The following BMPR1B variants were observed in gnomAD, a reference collection of about 807,000 sequenced individuals.
BMPR1B encodes bone morphogenetic protein receptor type-1B.
In BMPR1B, 12 loss-of-function variants were observed where a neutral mutation model predicts 59.1. That is an observed-to-expected ratio of 0.20 (90% CI 0.13 to 0.33). The LOEUF (loss-of-function observed/expected upper bound fraction) is 0.33. BMPR1B is among the 10% of genes least tolerant of loss of function. BMPR1B has a pLI of 1.00. For missense variants in BMPR1B, 550 were observed against 610.9 expected, an observed-to-expected ratio of 0.90 and a Z score of 1.05; for synonymous variants, 237 against 207.3, an observed-to-expected ratio of 1.14 and a Z score of -1.23.
chr4:95,094,321 T>C (rs1730211595), intron 3 of BMPR1B, among the ~76,000 whole-genome samples: 3 of 151,962 alleles, frequency 2.0e-5, no homozygotes, highest in African/African-American at 4.8e-5. Context: ...ATAGACTCTT[T>C]GCTCACCGTG....
At chr4:94,895,196 A>G (rs1007446281) in intron 2 of BMPR1B, among the ~76,000 whole-genome samples, 1 of 151,940 alleles carries the variant, frequency 6.6e-6, no homozygotes, top group Admixed American at 6.6e-5. Context: ...TTTGTTCTTG[A>G]AAGAAAAATG....
chr4:94,820,399 A>G (rs1224144021), intron 1 of BMPR1B, among the ~76,000 whole-genome samples: 1 of 152,234 alleles, frequency 6.6e-6, no homozygotes, highest in Non-Finnish European at 1.5e-5. Context: ...TGCCAGTTGA[A>G]GTAACCGGAT....
At chr4:95,151,342 C>T (rs533370012) in intron 11 of BMPR1B, among the ~76,000 whole-genome samples, 23 of 152,248 alleles carry the variant, frequency 1.5e-4, no homozygotes, top group Middle Eastern at 3.4e-3. Context: ...CATCCACCAG[C>T]GGAAAATAGG....
At position 95,043,181 on chromosome 4, in the gene BMPR1B, CAAAAAAAAAAAA is replaced by C. The variant is rs751904820; in HGVS notation, c.-18+47066_-18+47077del. ...TGGGCGACAGAGCGAGACTCCGTCT[CAAAAAAAAAAAA>C]AAAAAAAAAAAAAAAAAAGAATTAC... On this transcript the variant is annotated intron_variant, in intron 3 of 12. Transcript: ENST00000515059. Among the ~76,000 whole-genome samples, 14 of 51,456 alleles carry C rather than the reference CAAAAAAAAAAAA, an allele frequency of 2.7e-4. No homozygotes were observed. The East Asian group carries it at 5.5e-3, about 20-fold the overall frequency. 33.8% of individuals were successfully genotyped at this position (51,456 alleles called of 152,430 possible).
At chr4:95,074,375 G>A (rs1318661758) in intron 3 of BMPR1B, among the ~76,000 whole-genome samples, 1 of 152,096 alleles carries the variant, frequency 6.6e-6, no homozygotes, top group African/African-American at 2.4e-5. Flanking sequence ...TTTGCCTTGA[G>A]AAATCTTTCC....
At chr4:95,015,361 T>C (rs1723512286) in intron 3 of BMPR1B, among the ~76,000 whole-genome samples, 2 of 152,212 alleles carry the variant, frequency 1.3e-5, no homozygotes, top group African/African-American at 2.4e-5. Flanking sequence ...ACAATGGTTT[T>C]ACTCAAGGAG....
At chr4:94,790,810 C>G (rs867096079) in intron 1 of BMPR1B, among the ~76,000 whole-genome samples, 5 of 151,816 alleles carry the variant, frequency 3.3e-5, no homozygotes, top group Admixed American at 6.6e-5. Flanking sequence ...AGTTTTTTAC[C>G]TCTTGTTATT....
At chr4:94,817,155 A>G (rs1039069451) in intron 1 of BMPR1B, among the ~76,000 whole-genome samples, 1 of 152,214 alleles carries the variant, frequency 6.6e-6, no homozygotes, top group Non-Finnish European at 1.5e-5. Flanking sequence ...TGACCCTGCC[A>G]GCTCCTTGAT....
intron 11 of BMPR1B, among the ~76,000 whole-genome samples, chr4:95,151,212 T>C (rs1032733714): frequency 6.6e-6 from 1 of 152,152 alleles, no homozygotes; most frequent in Non-Finnish European, 1.5e-5. Flanking sequence ...TTACATGACA[T>C]GGAGAAAAGA....
chr4:94,758,460 G>C (rs1721617611), intron 1 of BMPR1B, among the ~76,000 whole-genome samples: 1 of 151,996 alleles, frequency 6.6e-6, no homozygotes, highest in South Asian at 2.1e-4. Flanking sequence ...ACCTGCGAGC[G>C]GAGGGATGGG....
chr4:94,913,377 GTT>G (rs1215151851), intron 2 of BMPR1B, among the ~76,000 whole-genome samples: 1 of 152,158 alleles, frequency 6.6e-6, no homozygotes, highest in African/African-American at 2.4e-5. Flanking sequence ...ACCACTGATA[GTT>G]TTTTGATTTT....
intron 2 of BMPR1B, among the ~76,000 whole-genome samples, chr4:94,956,993 T>C (rs1301146816): frequency 1.3e-5 from 2 of 152,174 alleles, no homozygotes; most frequent in Non-Finnish European, 2.9e-5. Flanking sequence ...TAAAGCAGTC[T>C]TTTAAATTGT....
chr4:94,997,489 A>G (rs1471295690), intron 3 of BMPR1B, among the ~76,000 whole-genome samples: 1 of 152,216 alleles, frequency 6.6e-6, no homozygotes, highest in Non-Finnish European at 1.5e-5. Context: ...TTGAATGCGT[A>G]TATAACTTTT....
chr4:94,859,374 TAAACTG>T (rs1237157900), intron 1 of BMPR1B, among the ~76,000 whole-genome samples: 1 of 152,194 alleles, frequency 6.6e-6, no homozygotes. Flanking sequence ...TTTCATGACT[TAAACTG>T]AAGATTACAG....
At chr4:94,790,239 A>C (rs552792316) in intron 1 of BMPR1B, among the ~76,000 whole-genome samples, 1 of 152,296 alleles carries the variant, frequency 6.6e-6, no homozygotes, top group East Asian at 1.9e-4. Context: ...GCATTGTTAT[A>C]GAGTCAGTTG....
chr4:94,763,395 G>T (rs1029053364), intron 1 of BMPR1B, among the ~76,000 whole-genome samples: 1 of 152,192 alleles, frequency 6.6e-6, no homozygotes, highest in African/African-American at 2.4e-5. Flanking sequence ...AAATAGTTGT[G>T]CAGTGCTGTT....
At chr4:94,810,407 A>G (rs150210135) in intron 1 of BMPR1B, among the ~76,000 whole-genome samples, 18 of 152,190 alleles carry the variant, frequency 1.2e-4, no homozygotes, top group African/African-American at 2.6e-4. Context: ...TTTTGTTTCT[A>G]TTTCTTGGGG....
intron 2 of BMPR1B, among the ~76,000 whole-genome samples, chr4:94,889,763 C>G (rs1283310633): frequency 6.6e-6 from 1 of 151,956 alleles, no homozygotes; most frequent in Non-Finnish European, 1.5e-5. Context: ...AACTCTGGAT[C>G]TCATCTGTGA....
At chr4:95,086,800 C>T (rs1368884021) in intron 3 of BMPR1B, among the ~76,000 whole-genome samples, 1 of 152,134 alleles carries the variant, frequency 6.6e-6, no homozygotes, top group East Asian at 1.9e-4. Context: ...TATTTGCTTT[C>T]AGTAGTTGAC....
Sources: gnomAD v4.1 joint callset for allele counts (sites outside exome capture counted in the v4.1 genomes callset) on GRCh38, gnomAD v4.1.1 for gene constraint, MANE v1.5 for transcripts, NCBI Gene and HGNC (gene_info 2026-07-23, HGNC 2026-07-21) for gene names.